NTF3: variants seen among roughly 807,000 people sequenced by gnomAD.
The protein encoded by NTF3 is neurotrophin-3.
A neutral mutation model predicts 26.3 loss-of-function variants in NTF3; 8 were observed. The observed-to-expected ratio is 0.30, with a 90% CI of 0.18 to 0.55. NTF3 has a LOEUF of 0.55. Ranked by LOEUF, NTF3 falls within the 20% of genes least tolerant of loss-of-function variation. NTF3 has a pLI of 0.93. For synonymous variants in NTF3, 154 were observed against 145.5 expected, an observed-to-expected ratio of 1.06 and a Z score of -0.42; for missense variants, 276 against 352.9, an observed-to-expected ratio of 0.78 and a Z score of 1.75.
intron 1 of NTF3, among the ~76,000 whole-genome samples, chr12:5,461,025 C>A (rs1344997478): frequency 2.6e-5 from 4 of 152,162 alleles, no homozygotes; most frequent in African/African-American, 9.7e-5. Flanking sequence ...TGAATATTGA[C>A]TTTCTAACCA....
At chr12:5,454,778 G>A (rs1418748967) in intron 1 of NTF3, among the ~76,000 whole-genome samples, 1 of 152,202 alleles carries the variant, frequency 6.6e-6, no homozygotes, top group Non-Finnish European at 1.5e-5. Flanking sequence ...GAGGACAGCG[G>A]CGAGAAAAAG....
intron 1 of NTF3, among the ~76,000 whole-genome samples, chr12:5,439,627 G>T (rs1940213388): frequency 6.6e-6 from 1 of 152,206 alleles, no homozygotes; most frequent in African/African-American, 2.4e-5. Context: ...GTTGACAAGG[G>T]AACCTGCCCT....
intron 1 of NTF3, among the ~76,000 whole-genome samples, chr12:5,483,286 C>T (rs1173253499): frequency 6.6e-6 from 1 of 152,122 alleles, no homozygotes; most frequent in Middle Eastern, 3.2e-3. Context: ...CTTTCTGTTT[C>T]GCCACTTTGC....
chr12:5,470,070 G>T (rs985608989), intron 1 of NTF3, among the ~76,000 whole-genome samples: 1 of 152,138 alleles, frequency 6.6e-6, no homozygotes, highest in African/African-American at 2.4e-5. Context: ...GACTACAGGT[G>T]CCCGCCACCA....
At chr12:5,465,894 A>G (rs1373932252) in intron 1 of NTF3, among the ~76,000 whole-genome samples, 1 of 152,222 alleles carries the variant, frequency 6.6e-6, no homozygotes, top group Non-Finnish European at 1.5e-5. Context: ...TACCAGGAGT[A>G]GCTACCCAAG....
chr12:5,484,884 T>C (rs1158387200), intron 1 of NTF3, among the ~76,000 whole-genome samples: 1 of 152,158 alleles, frequency 6.6e-6, no homozygotes, highest in Non-Finnish European at 1.5e-5. Flanking sequence ...ACAAAGCTCA[T>C]TAGTGGCAGA....
intron 1 of NTF3, among the ~76,000 whole-genome samples, chr12:5,482,900 G>C (rs1172388647): frequency 7.3e-6 from 1 of 136,908 alleles, no homozygotes; most frequent in Non-Finnish European, 1.6e-5. Context: ...TTTTTTTTCT[G>C]TCTTTCTGCA....
intron 1 of NTF3, among the ~76,000 whole-genome samples, chr12:5,470,319 G>T (rs1029049014): frequency 6.6e-6 from 1 of 152,194 alleles, no homozygotes; most frequent in Non-Finnish European, 1.5e-5. Flanking sequence ...TATGAGGACA[G>T]GAGTTCTCTC....
intron 1 of NTF3, among the ~76,000 whole-genome samples, chr12:5,470,282 A>T (rs781628414): frequency 2.0e-5 from 3 of 152,180 alleles, no homozygotes; most frequent in Non-Finnish European, 2.9e-5. Context: ...AAGAAGTTAT[A>T]CAGCTGGGAT....
At chr12:5,493,050 G>A (rs1458718516) in intron 1 of NTF3, among the ~76,000 whole-genome samples, 1 of 152,198 alleles carries the variant, frequency 6.6e-6, no homozygotes, top group Non-Finnish European at 1.5e-5. Flanking sequence ...GGTGATTAAG[G>A]AGTGAATATC....
At chr12:5,431,170 T>C (rs1052100101), upstream of NTF3, among the ~76,000 whole-genome samples, 2 of 152,084 alleles carry the variant, frequency 1.3e-5, no homozygotes, top group Non-Finnish European at 2.9e-5. Context: ...GTGAGCGTCA[T>C]TACTTTCGGG....
At chr12:5,444,645 G>A (rs1940281230) in intron 1 of NTF3, among the ~76,000 whole-genome samples, 1 of 152,268 alleles carries the variant, frequency 6.6e-6, no homozygotes, top group South Asian at 2.1e-4. Flanking sequence ...GTGGAGAGGT[G>A]GGCGGGAGCC....
rs1365090920 is a variant in NTF3 at position 5,456,666 on chromosome 12, G to T, written c.18+24324G>T. Among the ~76,000 whole-genome samples the T allele has an allele frequency of 2.0e-5, 3 of 152,154 alleles. No individual in the cohort carries two copies. The highest frequency in any genetic ancestry group is 7.2e-5 in the African/African-American group (3 of 41,428). On this transcript the variant is annotated intron_variant, in intron 1 of 1. Transcript: ENST00000423158. This position sits in a 1 kb window ranked among gnomAD's most constrained non-coding sequence, Gnocchi z 4.4. ...ACTCGGGGTCAGAGCTCTGCTGAGG[G>T]TCTGGCTCTGGGAGGGGAGGTTTGT...
At chr12:5,471,819 TGGGCTTCA>T (rs913806842) in intron 1 of NTF3, among the ~76,000 whole-genome samples, 1 of 151,912 alleles carries the variant, frequency 6.6e-6, no homozygotes. Flanking sequence ...AAGTAGAAAG[TGGGCTTCA>T]GGCATCCTGG....
upstream of NTF3, among the ~76,000 whole-genome samples, chr12:5,430,502 T>G (rs1017441289): frequency 6.6e-6 from 1 of 150,690 alleles, no homozygotes; most frequent in African/African-American, 2.4e-5. Flanking sequence ...TGGGCGCTTC[T>G]GGCGGTTTTC....
intron 1 of NTF3, among the ~76,000 whole-genome samples, chr12:5,455,994 GC>G (rs1591596565): frequency 6.6e-6 from 1 of 152,128 alleles, no homozygotes; most frequent in East Asian, 1.9e-4. Context: ...AGCTGTGCGG[GC>G]CACTAGAGAA....
At position 5,433,152 on chromosome 12, in the gene NTF3, C is replaced by G. The variant is rs1366249357; in HGVS notation, c.18+810C>G. 1 of 152,192 alleles carries G rather than the reference C, an allele frequency of 6.6e-6. No homozygotes were observed. Among genetic ancestry groups the G allele is most frequent in the East Asian group, 1.9e-4 (1 of 5,180 alleles). 9.4% of individuals were successfully genotyped at this position (152,192 alleles called of 1,614,324 possible). A position where few individuals can be genotyped will look rare whatever the true frequency, so the allele number is the denominator to read the frequency against. On this transcript the variant is annotated intron_variant, in intron 1 of 1. Transcript: ENST00000423158. The surrounding 1 kb of genome is among the most constrained non-coding windows in gnomAD (Gnocchi z 4.6). ...CACCCGGTGGCCACCCCACCCTGGG[C>G]CTTTGCGCAGATGTTGGAGCTCCGT... is the stretch of plus-strand genomic sequence containing the variant.
Position 5,456,498 on chromosome 12 carries a change from C to A in NTF3, c.18+24156C>A, listed in dbSNP as rs1246322718. Reference sequence around the variant, plus strand: ...ACTTGTGGGGCCAACGGCACCTAACCACCTCAGGCACGGTGGACCTGGCTC... The same window carrying A: ...ACTTGTGGGGCCAACGGCACCTAACAACCTCAGGCACGGTGGACCTGGCTC... On this transcript the variant is annotated intron_variant, in intron 1 of 1. Coordinates refer to ENST00000423158, the MANE Select transcript of NTF3 (RefSeq NM_001102654.2). This position sits in a 1 kb window ranked among gnomAD's most constrained non-coding sequence, Gnocchi z 4.4. Among the ~76,000 whole-genome samples, 1 of 152,094 alleles carries A rather than the reference C, an allele frequency of 6.6e-6. No homozygotes were observed. Among genetic ancestry groups the A allele is most frequent in the Non-Finnish European group, 1.5e-5 (1 of 68,014 alleles).
Position 5,450,520 on chromosome 12 carries a change from G to A in NTF3, c.18+18178G>A, listed in dbSNP as rs565487982. ...CTATCACATTGCCTCTGCAACTTCTGAATGGTTGCAGCCATTTCTTAAAAT... is the reference window on the plus strand; with the variant it reads ...CTATCACATTGCCTCTGCAACTTCTAAATGGTTGCAGCCATTTCTTAAAAT... On this transcript the variant is annotated intron_variant, in intron 1 of 1. Transcript: ENST00000423158. Among the ~76,000 whole-genome samples, 41 of 152,302 alleles carry A rather than the reference G, an allele frequency of 2.7e-4. 2 individuals carry two copies. The South Asian group carries it at 8.5e-3, about 32-fold the overall frequency.
Sources: allele counts gnomAD v4.1 joint callset (sites outside exome capture counted in the v4.1 genomes callset), GRCh38; gene constraint gnomAD v4.1.1; non-coding constraint Gnocchi (gnomAD v3.1); transcripts MANE v1.5; gene names NCBI Gene and HGNC (gene_info 2026-07-23, HGNC 2026-07-21).